The following CNTN6 variants were observed in gnomAD, a reference collection of about 807,000 sequenced individuals.
CNTN6 encodes the protein contactin-6.
Under a neutral mutation model 122.8 loss-of-function variants are expected in CNTN6, and 137 were observed. That is an observed-to-expected ratio of 1.12 (90% CI 0.97 to 1.29). CNTN6 has a LOEUF of 1.29. Ranked by LOEUF, CNTN6 falls within the 50% of genes most tolerant of loss-of-function variation. The pLI, the probability that CNTN6 is intolerant of heterozygous loss-of-function variation, is 0.00. For synonymous variants in CNTN6, 570 were observed against 426.0 expected, an observed-to-expected ratio of 1.34 and a Z score of -4.16; for missense variants, 1,634 against 1,223.4, an observed-to-expected ratio of 1.34 and a Z score of -5.01.
At chr3:1,361,978 C>A (rs894156501) in intron 12 of CNTN6, among the ~76,000 whole-genome samples, 1 of 152,016 alleles carries the variant, frequency 6.6e-6, no homozygotes, top group South Asian at 2.1e-4. Flanking sequence ...GGTAGACTTA[C>A]AGTGAAAGGG....
Position 1,383,164 on chromosome 3 carries a change from T to C in CNTN6, c.2389T>C (p.Ser797Pro), listed in dbSNP as rs1312181987. ...GSLSTVTIVY[S>P]GEDEPQLAPR... Reference sequence around the variant, plus strand: ...CCTGAGTACTGTGACCATTGTCTACTCTGGGGAAGATGGTAAGTTGTCCTC... The same window carrying C: ...CCTGAGTACTGTGACCATTGTCTACCCTGGGGAAGATGGTAAGTTGTCCTC... The change falls in exon 18 of 23, where the codon TCT (serine) becomes CCT (proline). Residue 797 changes from serine to proline, a missense_variant. Physicochemically the swap from Ser to Pro is moderately conservative, Grantham distance 74. Transcript: ENST00000446702. 1 of 1,613,100 alleles carries C rather than the reference T, an allele frequency of 6.2e-7. No homozygotes were observed. The highest frequency in any genetic ancestry group is 1.7e-5 in the Admixed American group (1 of 60,002).
intron 2 of CNTN6, among the ~76,000 whole-genome samples, chr3:1,172,847 T>G (rs2093383392): frequency 6.6e-6 from 1 of 152,120 alleles, no homozygotes; most frequent in South Asian, 2.1e-4. Context: ...TTTTTGAAAA[T>G]GATTTAGAGG....
intron 7 of CNTN6, among the ~76,000 whole-genome samples, chr3:1,300,500 A>AAAAG (rs1559754337): frequency 2.4e-5 from 3 of 127,262 alleles, no homozygotes; most frequent in Non-Finnish European, 4.9e-5. Flanking sequence ...AGGAAAAAGA[A>AAAAG]AAGAAAGAGA....
chr3:1,096,257 G>T (rs187821674), intron 1 of CNTN6, among the ~76,000 whole-genome samples: 1 of 152,044 alleles, frequency 6.6e-6, no homozygotes, highest in Non-Finnish European at 1.5e-5. Context: ...CTTTTGTTGT[G>T]TGTGTGTGTG....
intron 12 of CNTN6, among the ~76,000 whole-genome samples, 163 bp downstream of exon 12, chr3:1,352,614 C>G (rs1009956071): frequency 6.6e-6 from 1 of 151,782 alleles, no homozygotes; most frequent in African/African-American, 2.4e-5. Context: ...AACATGCACA[C>G]TTTGCCAGTG....
At chr3:1,122,556 A>C (rs1358082684) in intron 1 of CNTN6, among the ~76,000 whole-genome samples, 1 of 150,342 alleles carries the variant, frequency 6.7e-6, no homozygotes, top group Admixed American at 6.7e-5. Context: ...CATTTGCATC[A>C]ATCCAAAGAA....
At chr3:1,110,976 T>C (rs2091455703) in intron 1 of CNTN6, among the ~76,000 whole-genome samples, 1 of 152,182 alleles carries the variant, frequency 6.6e-6, no homozygotes, top group Non-Finnish European at 1.5e-5. Flanking sequence ...ACTACATGAT[T>C]GGCCAGAGAC....
chr3:1,291,424 A>G (rs1695305822), intron 5 of CNTN6, among the ~76,000 whole-genome samples: 1 of 152,196 alleles, frequency 6.6e-6, no homozygotes, highest in Admixed American at 6.5e-5. Context: ...TTACAGGTTG[A>G]AGAATACAAA....
intron 1 of CNTN6, among the ~76,000 whole-genome samples, chr3:1,103,820 T>C (rs1384779325): frequency 1.3e-5 from 2 of 152,182 alleles, no homozygotes; most frequent in Non-Finnish European, 2.9e-5. Flanking sequence ...GATTCACATA[T>C]ATCTTTAGGT....
chr3:1,300,879 T>C (rs1190305907), intron 7 of CNTN6, among the ~76,000 whole-genome samples: 1 of 151,678 alleles, frequency 6.6e-6, no homozygotes, highest in Non-Finnish European at 1.5e-5. Flanking sequence ...TCAGGAAAAA[T>C]GAAGCTTGGG....
Position 1,327,464 on chromosome 3 carries a change from T to C in CNTN6, c.1091T>C (p.Ile364Thr), listed in dbSNP as rs747354679. The C allele has an allele frequency of 6.2e-7, 1 of 1,610,174 alleles. No individual in the cohort carries two copies. Among genetic ancestry groups the C allele is most frequent in the African/African-American group, 1.3e-5 (1 of 74,766 alleles). Residue 364 changes from isoleucine (I) to threonine (T), a missense_variant, in exon 10 of 23, where the codon ATT becomes ACT. Ile to Thr is a moderately conservative substitution (Grantham distance 89). Transcript: ENST00000446702. ...NGERLNPEER[I>T]QIENGTLIIT... The stretch of plus-strand genomic sequence containing the variant: ...TGCCTTTTCCTTTATTAGGAGAGAA[T>C]TCAAATAGAAAATGGGACACTCATC...
chr3:1,301,464 A>T (rs1452393315), intron 7 of CNTN6, among the ~76,000 whole-genome samples: 1 of 152,212 alleles, frequency 6.6e-6, no homozygotes, highest in East Asian at 1.9e-4. Flanking sequence ...CCCCTGATAA[A>T]TAAATCATGT....
chr3:1,369,511 A>G (rs1285046847), intron 12 of CNTN6, among the ~76,000 whole-genome samples: 2 of 152,024 alleles, frequency 1.3e-5, no homozygotes, highest in African/African-American at 2.4e-5. Flanking sequence ...TGTAACCATT[A>G]TAAGTGATGA....
At chr3:1,121,063 T>C (rs1486482437) in intron 1 of CNTN6, among the ~76,000 whole-genome samples, 3 of 152,074 alleles carry the variant, frequency 2.0e-5, no homozygotes, top group African/African-American at 7.2e-5. Flanking sequence ...ATGATCATTG[T>C]TTAATAATAT....
At chr3:1,268,430 A>G (rs111407629) in intron 4 of CNTN6, among the ~76,000 whole-genome samples, 1 of 151,738 alleles carries the variant, frequency 6.6e-6, no homozygotes. Flanking sequence ...ATGTGGTGAA[A>G]CCCCGTCTCT....
intron 17 of CNTN6, among the ~76,000 whole-genome samples, chr3:1,382,446 C>A (rs1692041770): frequency 6.6e-6 from 1 of 152,058 alleles, no homozygotes; most frequent in African/African-American, 2.4e-5. Flanking sequence ...GATGGGAGGT[C>A]TTTTATACTT....
At chr3:1,131,097 G>A (rs2092323780) in intron 1 of CNTN6, among the ~76,000 whole-genome samples, 1 of 152,092 alleles carries the variant, frequency 6.6e-6, no homozygotes, top group Admixed American at 6.6e-5. Flanking sequence ...GCTAAGGTCT[G>A]CTCTGATACC....
At chr3:1,256,440 A>C (rs2094760166) in intron 4 of CNTN6, among the ~76,000 whole-genome samples, 1 of 152,088 alleles carries the variant, frequency 6.6e-6, no homozygotes, top group Admixed American at 6.6e-5. Flanking sequence ...TGGATAATTG[A>C]TATTTATTAT....
chr3:1,260,273 C>T (rs1200946910), intron 4 of CNTN6, among the ~76,000 whole-genome samples: 1 of 152,060 alleles, frequency 6.6e-6, no homozygotes, highest in Admixed American at 6.6e-5. Flanking sequence ...GAGTCAATTG[C>T]CTGTGTGCCT....
Sources: gnomAD v4.1 joint callset for allele counts (sites outside exome capture counted in the v4.1 genomes callset) on GRCh38, gnomAD v4.1.1 for gene constraint, MANE v1.5 for transcripts, NCBI Gene and HGNC (gene_info 2026-07-23, HGNC 2026-07-21) for gene names.